Variants in TPM2 observed in about 807,000 individuals in gnomAD.
TPM2 encodes tropomyosin 2, also known as tropomyosin beta chain.
In TPM2, 26 loss-of-function variants were observed where a neutral mutation model predicts 41.0. The ratio of observed to expected loss-of-function variants is 0.63; its 90% confidence interval spans 0.46 to 0.88. TPM2 has a LOEUF of 0.88. Ranked by LOEUF, TPM2 falls within the 40% of genes least tolerant of loss-of-function variation. The probability of loss-of-function intolerance (pLI) is 0.00; values close to 1 mark genes in which losing one functional copy is unlikely to be tolerated. For synonymous variants in TPM2, 143 were observed against 139.3 expected (o/e 1.03, Z -0.19); for missense variants, 187 against 355.2 (o/e 0.53, Z 3.81).
upstream of TPM2, chr9:35,689,964 G>T: frequency 6.5e-7 from 1 of 1,534,164 alleles, no homozygotes; most frequent in Non-Finnish European, 8.7e-7. Flanking sequence ...AAGGCGGGGA[G>T]GGACCGGGCG....
At chr9:35,684,096 T>A (rs1280395459) in intron 8 of TPM2, 150 bp downstream of exon 8, 3 of 758,900 alleles carry the variant, frequency 4.0e-6, no homozygotes, top group African/African-American at 3.5e-5. Flanking sequence ...ATTACTTGAA[T>A]TGTAGACATG....
In TPM2 at chr9:35,683,252, T is replaced by A; in HGVS notation, c.773-11A>T. The A allele has an allele frequency of 3.6e-5, 49 of 1,360,434 alleles. No homozygotes were observed. Among genetic ancestry groups the A allele is most frequent in the Non-Finnish European group, 4.9e-5 (48 of 978,246 alleles). The allele number at this position is 1,360,434 out of a possible 1,614,324, so 84.3% of individuals were successfully genotyped here. On this transcript the variant is annotated splice_polypyrimidine_tract_variant and intron_variant, in intron 8 of 8. Transcript: ENST00000645482. ...GGGCATAGACTTCATCTGGGGGGGG[T>A]CCAGGGAGGGGACCAGGTGGGAGTG...
intron 2 of TPM2, among the ~76,000 whole-genome samples, chr9:35,688,130 T>C (rs1825034164): frequency 1.3e-5 from 2 of 152,052 alleles, no homozygotes; most frequent in South Asian, 2.1e-4. Flanking sequence ...TGGTTATTTA[T>C]AGAGTGTCAG....
At chr9:35,689,378 G>A in intron 1 of TPM2, 107 bp from the exon 2 acceptor site, 3 of 1,535,550 alleles carry the variant, frequency 2.0e-6, no homozygotes, top group Non-Finnish European at 1.7e-6. Flanking sequence ...TACTGGGATG[G>A]AAGCGGAATA....
At chr9:35,686,807 G>T (rs1204545911) in intron 2 of TPM2, among the ~76,000 whole-genome samples, 1 of 152,198 alleles carries the variant, frequency 6.6e-6, no homozygotes, top group Non-Finnish European at 1.5e-5. Flanking sequence ...CAGGGGCAGT[G>T]TGAGGGATGT....
Position 35,684,723 on chromosome 9 carries a change from C to A in TPM2, c.639+9G>T, listed in dbSNP as rs1351875905. The stretch of plus-strand genomic sequence containing the variant: ...ACCCCATCCTCACTGCCCCTCTGCT[C>A]CCCTCTACCTTGTCCGCCTGGGCCT... On this transcript the variant is annotated intron_variant, in intron 6 of 8. Transcript: ENST00000645482. 1 of 1,614,166 alleles carries A rather than the reference C, an allele frequency of 6.2e-7. No homozygotes were observed. The highest frequency in any genetic ancestry group is 1.1e-5 in the South Asian group (1 of 91,082).
At chr9:35,689,015 A>G in intron 2 of TPM2, 131 bp downstream of exon 2, 1 of 1,105,058 alleles carries the variant, frequency 9.0e-7, no homozygotes, top group African/African-American at 1.5e-5. Context: ...CTGGTTACTG[A>G]GATGAAACCA....
intron 1 of TPM2, 166 bp from the exon 2 acceptor site, chr9:35,689,437 G>A (rs1041199128): frequency 3.1e-6 from 3 of 968,366 alleles, no homozygotes; most frequent in East Asian, 1.1e-4. Context: ...CCCGTTGAGG[G>A]TACAGAGAAA....
chr9:35,683,174 G>A lies in TPM2; in HGVS notation c.840C>T (p.Asp280=). The A allele has an allele frequency of 2.6e-6, 4 of 1,555,300 alleles. No homozygotes were observed. The highest frequency in any genetic ancestry group is 3.5e-6 in the Non-Finnish European group (4 of 1,148,130). The stretch of plus-strand genomic sequence containing the variant: ...GGCGTGGGGCTCAGAGGGAGGTGAT[G>A]TCATTGAGTGCGTTGTCCAGTTCCT... ...ISEELDNALN[D]ITSL is the part of the protein sequence containing the mutation. The change falls in exon 9 of 9, where the codon GAC becomes GAT. Residue 280 remains aspartate, a synonymous_variant. Coordinates refer to ENST00000645482, the MANE Select transcript of TPM2 (RefSeq NM_003289.4).
chr9:35,686,733 A>G (rs1300437021), intron 2 of TPM2, among the ~76,000 whole-genome samples: 1 of 151,914 alleles, frequency 6.6e-6, no homozygotes, highest in African/African-American at 2.4e-5. Context: ...GCAGGCCTAT[A>G]AGGAATACCC....
chr9:35,682,019 G>A (rs1280254345), downstream of TPM2: 2 of 1,557,666 alleles, frequency 1.3e-6, no homozygotes, highest in Non-Finnish European at 1.8e-6. Flanking sequence ...TGAGAGGCTA[G>A]TAACATCAGT....
chr9:35,683,261 G>A lies in TPM2; in HGVS notation c.773-20C>T, dbSNP rs1040414245. On this transcript the variant is annotated intron_variant, in intron 8 of 8. Coordinates refer to ENST00000645482, the MANE Select transcript of TPM2 (RefSeq NM_003289.4). ...CTTCATCTGGGGGGGGTCCAGGGAG[G>A]GGACCAGGTGGGAGTGTGGGAAAGG... is the stretch of plus-strand genomic sequence containing the variant. 1.3e-6 allele frequency: 2 copies of A among 1,548,340 alleles called. No individual in the cohort carries two copies. Among genetic ancestry groups the A allele is most frequent in the African/African-American group, 2.7e-5 (2 of 72,882 alleles).
In TPM2 at chr9:35,685,306, G is replaced by A; in HGVS notation, c.526C>T (p.Leu176=). 1 of 1,614,198 alleles carries A rather than the reference G, an allele frequency of 6.2e-7. No homozygotes were observed. The highest frequency in any genetic ancestry group is 8.5e-7 in the Non-Finnish European group (1 of 1,180,036). Residue 176 remains leucine, a synonymous_variant, in exon 5 of 9, where the codon CTG becomes TTG. Coordinates refer to ENST00000645482, the MANE Select transcript of TPM2 (RefSeq NM_003289.4). This position sits in a 1 kb window ranked among gnomAD's most constrained non-coding sequence, Gnocchi z 5.0. Reference sequence around the variant, plus strand: ...TCAGCCCTCTCCTCCGAGCGCTCCAGCTCTCCTTCCAGGATCACCAGCTTC... The same window carrying A: ...TCAGCCCTCTCCTCCGAGCGCTCCAACTCTCCTTCCAGGATCACCAGCTTC... ...ARKLVILEGE[L]ERSEERAEVA...
In TPM2 at chr9:35,685,971, C is replaced by A. The variant is rs867372660; in HGVS notation, c.241-191G>T. Among the ~76,000 whole-genome samples, 104 of 152,350 alleles carry A rather than the reference C, an allele frequency of 6.8e-4. No homozygotes were observed. Among genetic ancestry groups the A allele is most frequent in the African/African-American group, 2.5e-3 (102 of 41,584 alleles). On this transcript the variant is annotated intron_variant, in intron 2 of 8. Transcript: ENST00000645482. This position sits in a 1 kb window ranked among gnomAD's most constrained non-coding sequence, Gnocchi z 5.0. ...CTCCAGTAAAAAATGTGCATTCAGG[C>A]CGGGCATGGTGGCTCACGCCTGTAA... is the stretch of plus-strand genomic sequence containing the variant.
chr9:35,688,306 C>T (rs1014687830), intron 2 of TPM2, among the ~76,000 whole-genome samples: 1 of 152,208 alleles, frequency 6.6e-6, no homozygotes, highest in Admixed American at 6.5e-5. Context: ...GATGTTCAGA[C>T]CATGCTTTAT....
At chr9:35,689,108 C>T in intron 2 of TPM2, 38 bp downstream of exon 2, 1 of 1,613,754 alleles carries the variant, frequency 6.2e-7, no homozygotes. Flanking sequence ...CTTCCCAGAG[C>T]CCTAACTCCT....
rs754381522 is a variant in TPM2, at chr9:35,684,500, C to A, written c.690G>T (p.Glu230Asp). ...KYEEEIKLLE[E>D]KLKEAETRAE... ...AGAGGACTCTCACCTCCTTCAGCTT[C>A]TCCTCCAACAGTTTGATCTCCTCTT... Residue 230 changes from glutamate (E) to aspartate (D), a missense_variant, in exon 7 of 9, where the codon GAG becomes GAT. Physicochemically the swap from Glu to Asp is conservative, Grantham distance 45. Transcript: ENST00000645482. 6.2e-7 allele frequency: 1 copy of A among 1,614,218 alleles called. No homozygotes were observed. The highest frequency in any genetic ancestry group is 8.5e-7 in the Non-Finnish European group (1 of 1,180,034).
At chr9:35,684,953 G>A in intron 5 of TPM2, 146 bp from the exon 6 acceptor site, 1 of 1,612,146 alleles carries the variant, frequency 6.2e-7, no homozygotes, top group South Asian at 1.1e-5. Flanking sequence ...GAAGCCCCAG[G>A]CCCTTCCTGA....
chr9:35,683,138 G>A lies in TPM2; in HGVS notation c.*21C>T, dbSNP rs1321902702. ...AAGGAGAGGAGAGAAGAGAGCTGAG[G>A]TGGCCACGCTGGCGTGGGGCTCAGA... On this transcript the variant is annotated 3_prime_UTR_variant, in exon 9 of 9. Coordinates refer to ENST00000645482, the MANE Select transcript of TPM2 (RefSeq NM_003289.4). 9.7e-6 allele frequency: 15 copies of A among 1,552,296 alleles called. No individual in the cohort carries two copies. Among genetic ancestry groups the A allele is most frequent in the Middle Eastern group, 1.7e-4 (1 of 5,992 alleles).
Sources: gnomAD v4.1 joint callset for allele counts (sites outside exome capture counted in the v4.1 genomes callset) on GRCh38, gnomAD v4.1.1 for gene constraint, Gnocchi (gnomAD v3.1) non-coding constraint, MANE v1.5 for transcripts, NCBI Gene and HGNC (gene_info 2026-07-23, HGNC 2026-07-21) for gene names.